AOX1: variants seen among roughly 807,000 people sequenced by gnomAD.
The protein encoded by AOX1 is aldehyde oxidase.
Under a neutral mutation model 169.5 loss-of-function variants are expected in AOX1, and 153 were observed. The observed-to-expected ratio is 0.90, with a 90% CI of 0.79 to 1.03. The LOEUF is 1.03. Ranked by LOEUF, AOX1 falls within the 50% of genes least tolerant of loss-of-function variation. The pLI is 0.00. For missense variants in AOX1, 1,656 were observed against 1,663.9 expected (o/e 1.00, Z 0.08); for synonymous variants, 562 against 581.9 (o/e 0.97, Z 0.49).
chr2:200,594,864 G>A (rs183032241), intron 2 of AOX1, among the ~76,000 whole-genome samples: 3 of 152,326 alleles, frequency 2.0e-5, no homozygotes, highest in Non-Finnish European at 2.9e-5. Context: ...ACATGGCTAA[G>A]ATGACACAAA....
rs763571283 is a variant in AOX1, at chr2:200,611,402, C to T, written c.1172C>T (p.Pro391Leu). ...LLSKEGKRQI[P>L]LNEQFLSKCP... ...TCCACAGAAGGAAAACGACAGATTC[C>T]TTTAAATGAGCAATTCCTCAGCAAG... is the stretch of plus-strand genomic sequence containing the variant. The change falls in exon 13 of 35, where the codon CCT becomes CTT. Residue 391 changes from proline to leucine, a missense_variant. By Grantham distance (98) the Pro-to-Leu change is moderately conservative. Transcript: ENST00000374700. 1 of 1,613,592 alleles carries T rather than the reference C, an allele frequency of 6.2e-7. No individual in the cohort carries two copies. The highest frequency in any genetic ancestry group is 1.1e-5 in the South Asian group (1 of 91,014).
intron 25 of AOX1, among the ~76,000 whole-genome samples, chr2:200,649,951 C>G (rs776817705): frequency 6.6e-6 from 1 of 152,208 alleles, no homozygotes; most frequent in Non-Finnish European, 1.5e-5. Context: ...ATTGGCAGTC[C>G]TTGGACCTTC....
intron 19 of AOX1, among the ~76,000 whole-genome samples, chr2:200,627,050 G>A (rs1414082467): frequency 6.6e-6 from 1 of 152,256 alleles, no homozygotes; most frequent in Non-Finnish European, 1.5e-5. Flanking sequence ...GAAATGGATT[G>A]TGGTGTGCAG....
At chr2:200,638,897 AATATAAT>A (rs1326149894) in intron 23 of AOX1, among the ~76,000 whole-genome samples, 1 of 36,238 alleles carries the variant, frequency 2.8e-5, no homozygotes, top group African/African-American at 3.5e-4. Flanking sequence ...GTAACAGCTC[AATATAAT>A]GCTCAATATA....
intron 20 of AOX1, among the ~76,000 whole-genome samples, chr2:200,628,293 T>G (rs1180708984): frequency 2.0e-5 from 3 of 152,222 alleles, no homozygotes; most frequent in African/African-American, 7.2e-5. Context: ...AACAGGATGT[T>G]GTCTAACATA....
chr2:200,599,700 G>A lies in AOX1; in HGVS notation c.390G>A (p.Arg130=), dbSNP rs142144384. 6.0e-3 allele frequency: 9,657 copies of A among 1,612,600 alleles called. 64 individuals are homozygous for A. The highest frequency in any genetic ancestry group is 6.1e-3 in the Non-Finnish European group (7,185 of 1,179,102). ...GMVMSIYTLL[R]NHPEPTLDQL... Reference sequence around the variant, plus strand: ...TGATGTCCATCTACACGCTGCTCAGGAACCACCCAGAGCCCACTCTGGATC... The same window carrying A: ...TGATGTCCATCTACACGCTGCTCAGAAACCACCCAGAGCCCACTCTGGATC... Residue 130 remains arginine, a synonymous_variant, in exon 5 of 35, where the codon AGG becomes AGA. Transcript: ENST00000374700.
intron 1 of AOX1, among the ~76,000 whole-genome samples, chr2:200,592,009 T>G (rs1157728234): frequency 2.0e-5 from 3 of 152,132 alleles, no homozygotes; most frequent in Non-Finnish European, 4.4e-5. Flanking sequence ...GTTTTTTAGC[T>G]TAGGTGACCT....
chr2:200,630,248 C>A, intron 20 of AOX1, among the ~76,000 whole-genome samples: 1 of 144,098 alleles, frequency 6.9e-6, no homozygotes, highest in South Asian at 2.1e-4. Flanking sequence ...GGAAGCTGGG[C>A]ACGGTGGCTC....
chr2:200,612,814 G>T, intron 14 of AOX1, 21 bp downstream of exon 14: 4 of 1,606,464 alleles, frequency 2.5e-6, no homozygotes, highest in Non-Finnish European at 3.4e-6. Context: ...AGAAGTAAGG[G>T]CTCCTCTAAT....
chr2:200,680,747 TG>T (rs2036145563), downstream of AOX1, among the ~76,000 whole-genome samples: 1 of 152,138 alleles, frequency 6.6e-6, no homozygotes, highest in Admixed American at 6.5e-5. Flanking sequence ...GGTTTCGCCA[TG>T]TTAGCCAGGC....
rs1315233947 is a variant in AOX1 at position 200,671,151 on chromosome 2, G to A, written c.*472G>A. The stretch of plus-strand genomic sequence containing the variant: ...GAATGAATATAGACACTGTATCTAA[G>A]TGGGACCAAAGAAAAAATAGCGAAC... On this transcript the variant is annotated 3_prime_UTR_variant, in exon 35 of 35. Coordinates refer to ENST00000374700, the MANE Select transcript of AOX1 (RefSeq NM_001159.4). The A allele has an allele frequency of 6.5e-6, 1 of 152,686 alleles. No individual in the cohort carries two copies. The highest frequency in any genetic ancestry group is 1.5e-5 in the Non-Finnish European group (1 of 68,448). The allele number at this position is 152,686 out of a possible 1,614,324, so 9.5% of individuals were successfully genotyped here.
chr2:200,639,266 G>A (rs1302512569), intron 23 of AOX1, among the ~76,000 whole-genome samples: 2 of 152,190 alleles, frequency 1.3e-5, no homozygotes, highest in Non-Finnish European at 2.9e-5. Context: ...GCAGCAGACA[G>A]GGAAGCGAGA....
intron 19 of AOX1, among the ~76,000 whole-genome samples, chr2:200,627,107 G>A (rs1422642444): frequency 2.0e-4 from 31 of 152,222 alleles, no homozygotes; most frequent in Admixed American, 1.9e-3. Context: ...GGATCACTTA[G>A]ATGCCAGTTT....
At chr2:200,642,979 C>T (rs1314007147) in intron 25 of AOX1, among the ~76,000 whole-genome samples, 178 bp downstream of exon 25, 1 of 152,140 alleles carries the variant, frequency 6.6e-6, no homozygotes, top group Non-Finnish European at 1.5e-5. Flanking sequence ...ACTCACCTTA[C>T]TCAGACTCCT....
intron 18 of AOX1, among the ~76,000 whole-genome samples, chr2:200,622,367 T>A (rs1168997394): frequency 1.3e-5 from 2 of 152,220 alleles, no homozygotes; most frequent in East Asian, 3.8e-4. Context: ...TGATTAAAAC[T>A]TTGGCTACAG....
Position 200,631,913 on chromosome 2 carries a change from GA to G in AOX1, c.2222-2875del, listed in dbSNP as rs1574937811. Among the ~76,000 whole-genome samples, 10 of 152,190 alleles carry G rather than the reference GA, an allele frequency of 6.6e-5. No homozygotes were observed. The East Asian group carries it at 1.9e-3, about 29-fold the overall frequency. ...AATTGAAGTTAAGATCTGAGCTTGTGAAATTTTAATGTTTATATATTATAAG... is the reference window on the plus strand; with the variant it reads ...AATTGAAGTTAAGATCTGAGCTTGTGAATTTTAATGTTTATATATTATAAG... On this transcript the variant is annotated intron_variant, in intron 20 of 34. Transcript: ENST00000374700.
intron 13 of AOX1, among the ~76,000 whole-genome samples, chr2:200,611,731 G>T (rs555519442): frequency 2.0e-4 from 29 of 146,526 alleles, no homozygotes; most frequent in African/African-American, 7.4e-4. Flanking sequence ...TTGAGATCGA[G>T]TCTCGCTCTT....
At chr2:200,619,313 G>A (rs1319360700) in intron 16 of AOX1, among the ~76,000 whole-genome samples, 1 of 152,132 alleles carries the variant, frequency 6.6e-6, no homozygotes, top group Non-Finnish European at 1.5e-5. Context: ...GGATGGGAAG[G>A]GGAGGTGTCC....
rs577377584 is a variant in AOX1, at chr2:200,676,531, C to T, written c.487-347C>T. Among the ~76,000 whole-genome samples the T allele has an allele frequency of 4.3e-5, 6 of 140,058 alleles. 1 individual carries two copies. Among genetic ancestry groups the T allele is most frequent in the African/African-American group, 1.3e-4 (5 of 37,092 alleles). The allele number at this position is 140,058 out of a possible 152,430, so 91.9% of individuals were successfully genotyped here. A position where few individuals can be genotyped will look rare whatever the true frequency, so the allele number is the denominator to read the frequency against. ...AGGAGAATCACTTGAACCCAGGAGGCAGAGATTGCAGTGAGCCGAGATCAC... is the reference window on the plus strand; with the variant it reads ...AGGAGAATCACTTGAACCCAGGAGGTAGAGATTGCAGTGAGCCGAGATCAC... On this transcript the variant is annotated intron_variant, in intron 4 of 4. Transcript: ENST00000439380.
Sources: allele counts gnomAD v4.1 joint callset (sites outside exome capture counted in the v4.1 genomes callset), GRCh38; gene constraint gnomAD v4.1.1; transcripts MANE v1.5; gene names NCBI Gene and HGNC (gene_info 2026-07-23, HGNC 2026-07-21).